The following BAG4 variants were observed in gnomAD, a reference collection of about 807,000 sequenced individuals.
The protein encoded by BAG4 is BAG family molecular chaperone regulator 4.
BAG4 carries 28 observed loss-of-function variants against 52.1 expected under a neutral mutation model. That is an observed-to-expected ratio of 0.54 (90% CI 0.40 to 0.74). BAG4 has a LOEUF of 0.74. BAG4 is among the 30% of genes least tolerant of loss of function. The pLI, the probability that BAG4 is intolerant of heterozygous loss-of-function variation, is 0.00. For missense variants in BAG4, 525 were observed against 572.0 expected, an observed-to-expected ratio of 0.92 and a Z score of 0.84; for synonymous variants, 208 against 217.0, an observed-to-expected ratio of 0.96 and a Z score of 0.37.
intron 1 of BAG4, among the ~76,000 whole-genome samples, chr8:38,185,478 A>C (rs768591175): frequency 9.2e-5 from 14 of 152,254 alleles, no homozygotes; most frequent in Non-Finnish European, 1.9e-4. Flanking sequence ...CCTAGTCCCC[A>C]GTGAAACTGG....
chr8:38,188,494 C>A (rs536272137), intron 1 of BAG4, among the ~76,000 whole-genome samples: 52 of 151,602 alleles, frequency 3.4e-4, no homozygotes, highest in African/African-American at 1.2e-3. Flanking sequence ...ATACATGTAT[C>A]AAAATATCAC....
At chr8:38,197,411 G>A (rs549918463) in intron 2 of BAG4, among the ~76,000 whole-genome samples, 54 of 152,252 alleles carry the variant, frequency 3.5e-4, no homozygotes, top group Non-Finnish European at 7.1e-4. Context: ...TAGTACTGGT[G>A]TATCTAAACA....
Sources: gnomAD v4.1 joint callset for allele counts (sites outside exome capture counted in the v4.1 genomes callset) on GRCh38, gnomAD v4.1.1 for gene constraint, MANE v1.5 for transcripts, NCBI Gene and HGNC (gene_info 2026-07-23, HGNC 2026-07-21) for gene names.